Variants in GTPBP8 observed in about 807,000 individuals in gnomAD.
GTPBP8 encodes GTP binding protein 8, also known as GTP-binding protein 8.
In GTPBP8, 21 loss-of-function variants were observed where a neutral mutation model predicts 27.3. That is an observed-to-expected ratio of 0.77 (90% CI 0.55 to 1.11). GTPBP8 has a LOEUF of 1.11. Among genes scored for constraint, GTPBP8 ranks in the 50% least tolerant of loss-of-function variants. The probability of loss-of-function intolerance (pLI) is 0.00; values close to 1 mark genes in which losing one functional copy is unlikely to be tolerated. For missense variants in GTPBP8, 380 were observed against 350.8 expected, an observed-to-expected ratio of 1.08 and a Z score of -0.67; for synonymous variants, 147 against 135.3, an observed-to-expected ratio of 1.09 and a Z score of -0.60.
chr3:112,992,940 CTG>C (rs1344277066), intron 1 of GTPBP8, 84 bp from the exon 2 acceptor site: 1 of 662,714 alleles, frequency 1.5e-6, no homozygotes, highest in African/African-American at 1.9e-5. Flanking sequence ...TAAATATTAG[CTG>C]TGTTAGAATT....
In GTPBP8 at chr3:113,001,091, A is replaced by G. The variant is rs2107374918; in HGVS notation, c.*172A>G. On this transcript the variant is annotated 3_prime_UTR_variant, in exon 6 of 6. Transcript: ENST00000383678. ...TTCTCGAAACAAGAATTTGTGCCTGAGGTGAAAAAAGTTTGTAAGTTATTG... is the reference window on the plus strand; with the variant it reads ...TTCTCGAAACAAGAATTTGTGCCTGGGGTGAAAAAAGTTTGTAAGTTATTG... 1.8e-6 allele frequency: 1 copy of G among 544,330 alleles called. No individual in the cohort carries two copies. Among genetic ancestry groups the G allele is most frequent in the East Asian group, 3.1e-5 (1 of 32,670 alleles). The allele number at this position is 544,330 out of a possible 1,614,324, so 33.7% of individuals were successfully genotyped here.
intron 1 of GTPBP8, chr3:112,991,729 A>G (rs909744832): frequency 6.6e-5 from 25 of 379,236 alleles, no homozygotes; most frequent in African/African-American, 5.3e-4. Flanking sequence ...TAACTTAAGT[A>G]GGGAAAACAT....
chr3:112,991,089 C>A lies in GTPBP8; in HGVS notation c.90C>A (p.Ser30=), dbSNP rs371178706. The change falls in exon 1 of 6, where the codon TCC becomes TCA. Residue 30 remains serine (S), a synonymous_variant. Coordinates refer to ENST00000383678, the MANE Select transcript of GTPBP8 (RefSeq NM_014170.4). ...LERLSRYNST[S]QAFAEVLRLP... ...GACTGAGCCGCTATAATAGCACGTC[C>A]CAAGCTTTTGCTGAGGTGCTGCGGC... The A allele has an allele frequency of 6.2e-7, 1 of 1,614,074 alleles. No homozygotes were observed.
At chr3:112,997,129 A>T in intron 4 of GTPBP8, 138 bp downstream of exon 4, 1 of 603,604 alleles carries the variant, frequency 1.7e-6, no homozygotes, top group Non-Finnish European at 2.9e-6. Flanking sequence ...AATCTTTTCA[A>T]TTAATCATCC....
chr3:112,996,816 G>A (rs901708555), intron 3 of GTPBP8, 76 bp from the exon 4 acceptor site: 32 of 720,474 alleles, frequency 4.4e-5, no homozygotes, highest in Non-Finnish European at 8.0e-5. Flanking sequence ...GAATTTCTTA[G>A]TACAGTAAGG....
In GTPBP8 at chr3:113,000,858, C is replaced by A. The variant is rs751251006; in HGVS notation, c.794C>A (p.Thr265Asn). ...FPQLFPVSAV[T>N]FSGIHLLRCF... ...CTCTTTTCTTTTCACAGTGCTGTGA[C>A]CTTTTCTGGAATCCACCTGTTGAGA... is the stretch of plus-strand genomic sequence containing the variant. Residue 265 changes from threonine (T) to asparagine (N), a missense_variant, in exon 6 of 6, where the codon ACC becomes AAC. By Grantham distance (65) the Thr-to-Asn change is moderately conservative. Coordinates refer to ENST00000383678, the MANE Select transcript of GTPBP8 (RefSeq NM_014170.4). 6.3e-7 allele frequency: 1 copy of A among 1,590,264 alleles called. No individual in the cohort carries two copies. The highest frequency in any genetic ancestry group is 2.2e-5 in the East Asian group (1 of 44,654).
chr3:112,991,011 C>G lies in GTPBP8; in HGVS notation c.12C>G (p.Pro4=), dbSNP rs200050697. ...TCTGGGAAGGGAGAATGGCGGCGCC[C>G]GGGCTGCGGCTGGGAGCGGGAAGAC... is the stretch of plus-strand genomic sequence containing the variant. MAA[P]GLRLGAGRLF... is the part of the protein sequence containing the mutation. Residue 4 remains proline (P), a synonymous_variant, in exon 1 of 6, where the codon CCC becomes CCG. Transcript: ENST00000383678. 3.8e-6 allele frequency: 6 copies of G among 1,593,160 alleles called. No individual in the cohort carries two copies. The Admixed American group carries it at 6.8e-5, about 18-fold the overall frequency.
At chr3:112,997,077 G>A in intron 4 of GTPBP8, 86 bp downstream of exon 4, 1 of 673,896 alleles carries the variant, frequency 1.5e-6, no homozygotes, top group Non-Finnish European at 2.6e-6. Context: ...TAACAATTGA[G>A]CTTGTGTTGC....
chr3:112,991,655 C>T (rs1302267893), intron 1 of GTPBP8: 14 of 515,130 alleles, frequency 2.7e-5, no homozygotes, highest in Middle Eastern at 5.8e-4. Context: ...CTTCAAAATG[C>T]TTTAAAAGCT....
intron 3 of GTPBP8, 95 bp downstream of exon 3, chr3:112,995,360 T>A (rs1212011986): frequency 1.3e-6 from 1 of 741,206 alleles, no homozygotes; most frequent in Non-Finnish European, 2.2e-6. Context: ...ACTTCAGTTT[T>A]ATCAAATGAC....
intron 1 of GTPBP8, chr3:112,991,669 C>T: frequency 2.0e-6 from 1 of 494,260 alleles, no homozygotes; most frequent in South Asian, 1.7e-5. Flanking sequence ...AAAAGCTTTT[C>T]AAACCCAAAT....
In GTPBP8 at chr3:112,991,221, C is replaced by T. The variant is rs767432867; in HGVS notation, c.222C>T (p.Ser74=). The T allele has an allele frequency of 1.2e-6, 2 of 1,614,138 alleles. No individual in the cohort carries two copies. Among genetic ancestry groups the T allele is most frequent in the East Asian group, 2.2e-5 (1 of 44,870 alleles). The change falls in exon 1 of 6, where the codon AGC becomes AGT. Residue 74 remains serine, a synonymous_variant. Coordinates refer to ENST00000383678, the MANE Select transcript of GTPBP8 (RefSeq NM_014170.4). The stretch of plus-strand genomic sequence containing the variant: ...TTCACCTGCGTATCTTTGACCCAAG[C>T]CCGGAGGACATAGCCAGGGCGGACA... The part of the protein sequence containing the change: ...QDLHLRIFDP[S]PEDIARADNI...
chr3:112,993,998 C>T (rs1318092882), intron 2 of GTPBP8, among the ~76,000 whole-genome samples: 1 of 152,206 alleles, frequency 6.6e-6, no homozygotes, highest in Non-Finnish European at 1.5e-5. Flanking sequence ...TCTTGACATT[C>T]CCAATCTGTA....
In GTPBP8 at chr3:112,999,434, GT is replaced by G. The variant is rs140186998; in HGVS notation, c.667-8del. ...CTTTATTTCTAATGCATAAAAATTTGTTTTCTTATAGATTGTATTAACAAAA... is the reference window on the plus strand; with the variant it reads ...CTTTATTTCTAATGCATAAAAATTTGTTTCTTATAGATTGTATTAACAAAA... On this transcript the variant is annotated splice_polypyrimidine_tract_variant and intron_variant, in intron 4 of 5. Transcript: ENST00000383678. The G allele has an allele frequency of 0.019, 18,039 of 974,562 alleles. 251 individuals carry two copies. The highest frequency in any genetic ancestry group is 0.063 in the African/African-American group (3,810 of 60,686). The allele number at this position is 974,562 out of a possible 1,614,324, so 60.4% of individuals were successfully genotyped here. A position where few individuals can be genotyped will look rare whatever the true frequency, so the allele number is the denominator to read the frequency against.
chr3:112,996,599 G>A (rs1933791768), intron 3 of GTPBP8, among the ~76,000 whole-genome samples: 1 of 152,054 alleles, frequency 6.6e-6, no homozygotes, highest in African/African-American at 2.4e-5. Context: ...TTTAGAGGAG[G>A]GAACTCACTC....
intron 3 of GTPBP8, among the ~76,000 whole-genome samples, chr3:112,995,963 CTTTT>C (rs1399552244): frequency 6.6e-6 from 1 of 152,162 alleles, no homozygotes; most frequent in Non-Finnish European, 1.5e-5. Flanking sequence ...AATGATATCT[CTTTT>C]TTGTCTCCTT....
chr3:112,995,099 TTAA>T, intron 2 of GTPBP8, 33 bp from the exon 3 acceptor site: 1 of 1,511,624 alleles, frequency 6.6e-7, no homozygotes, highest in Non-Finnish European at 9.0e-7. Flanking sequence ...AGGACATATC[TTAA>T]GACAGCTTTT....
At chr3:112,996,303 CA>C (rs1382205449) in intron 3 of GTPBP8, among the ~76,000 whole-genome samples, 328 of 136,436 alleles carry the variant, frequency 2.4e-3, no homozygotes, top group Admixed American at 2.1e-3. Context: ...ACTAAAAATA[CA>C]AAAAAAAAAA....
chr3:112,999,330 G>C, intron 4 of GTPBP8, 116 bp from the exon 5 acceptor site: 1 of 517,798 alleles, frequency 1.9e-6, no homozygotes. Flanking sequence ...GAGGAAATAG[G>C]TACAGAGATA....
Sources: allele counts gnomAD v4.1 joint callset (sites outside exome capture counted in the v4.1 genomes callset), GRCh38; gene constraint gnomAD v4.1.1; transcripts MANE v1.5; gene names NCBI Gene and HGNC (gene_info 2026-07-23, HGNC 2026-07-21).